The following FRMPD4 variants were observed in gnomAD, a reference collection of about 807,000 sequenced individuals.
FRMPD4 encodes FERM and PDZ domain-containing protein 4.
FRMPD4 carries 22 observed loss-of-function variants against 94.1 expected under a neutral mutation model. The observed-to-expected ratio is 0.23, with a 90% CI of 0.17 to 0.33. FRMPD4 has a LOEUF of 0.33. Ranked by LOEUF, FRMPD4 falls within the 10% of genes least tolerant of loss-of-function variation. The pLI is 1.00. For synonymous variants in FRMPD4, 631 were observed against 548.6 expected (o/e 1.15, Z -2.10); for missense variants, 1,111 against 1,339.9 (o/e 0.83, Z 2.67).
intron 3 of FRMPD4, among the ~76,000 whole-genome samples, chrX:12,113,743 G>A: frequency 8.9e-6 from 1 of 112,085 alleles, no homozygotes; most frequent in East Asian, 2.8e-4. Flanking sequence ...ATTAGGACAG[G>A]GACATCTTTG....
At chrX:12,079,302 C>T (rs1411470586) in intron 3 of FRMPD4, among the ~76,000 whole-genome samples, 2 of 109,420 alleles carry the variant, frequency 1.8e-5, no homozygotes, top group East Asian at 5.8e-4. Flanking sequence ...GCCGCCCCCT[C>T]CCCCCACACC....
intron 3 of FRMPD4, among the ~76,000 whole-genome samples, chrX:12,083,431 AG>A (rs1239494874): frequency 5.3e-5 from 6 of 112,919 alleles, no homozygotes; most frequent in African/African-American, 1.9e-4. Flanking sequence ...CCCAGGCAAA[AG>A]TTTGCTGCAG....
intron 1 of FRMPD4, among the ~76,000 whole-genome samples, chrX:12,245,925 A>G (rs1317764952): frequency 9.3e-6 from 1 of 107,804 alleles, no homozygotes; most frequent in Admixed American, 1.0e-4. Flanking sequence ...TTCCTTTTCA[A>G]TATAAATTAC....
chrX:12,497,403 G>T (rs1299127564), intron 1 of FRMPD4, among the ~76,000 whole-genome samples: 5 of 107,306 alleles, frequency 4.7e-5, no homozygotes, highest in East Asian at 2.9e-4. Context: ...TGGTTTTTTT[G>T]TTGTTGTTGT....
chrX:12,595,580 G>A (rs995923275), intron 2 of FRMPD4, among the ~76,000 whole-genome samples: 3 of 111,980 alleles, frequency 2.7e-5, no homozygotes, highest in Non-Finnish European at 5.6e-5. Flanking sequence ...AGCATGTATG[G>A]CCTCTGAAAA....
At chrX:12,178,351 G>A (rs6639156) in intron 1 of FRMPD4, among the ~76,000 whole-genome samples, 13,959 of 111,282 alleles carry the variant, frequency 0.13, 1,269 homozygotes, top group East Asian at 0.61. Flanking sequence ...CCTACCATGA[G>A]TGATTTTTTA....
At chrX:12,585,684 G>A (rs2058921080) in intron 2 of FRMPD4, among the ~76,000 whole-genome samples, 1 of 111,828 alleles carries the variant, frequency 8.9e-6, no homozygotes, top group South Asian at 3.8e-4. Flanking sequence ...TTCAGCAAAA[G>A]TCACTCTGGA....
At chrX:12,460,862 C>T (rs1180578859) in intron 1 of FRMPD4, among the ~76,000 whole-genome samples, 3 of 111,433 alleles carry the variant, frequency 2.7e-5, no homozygotes, top group Non-Finnish European at 5.7e-5. Flanking sequence ...AGATTTTATA[C>T]TCTAATTTTT....
chrX:12,182,478 T>C (rs1398725807), intron 1 of FRMPD4, among the ~76,000 whole-genome samples: 1 of 111,044 alleles, frequency 9.0e-6, no homozygotes, highest in Non-Finnish European at 1.9e-5. Flanking sequence ...TTTAATGCAC[T>C]GAGGAATGTT....
intron 3 of FRMPD4, among the ~76,000 whole-genome samples, chrX:12,047,080 G>GTT (rs759731439): frequency 3.1e-4 from 34 of 108,043 alleles, no homozygotes; most frequent in Non-Finnish European, 4.2e-4. Flanking sequence ...TTTATACATG[G>GTT]TTATATATAT....
chrX:12,664,185 A>G (rs867760327), intron 4 of FRMPD4, among the ~76,000 whole-genome samples: 9 of 112,121 alleles, frequency 8.0e-5, no homozygotes, highest in Middle Eastern at 4.7e-3. Flanking sequence ...CTATTTGAAT[A>G]CCCGTTATTT....
chrX:12,137,799 C>T (rs1315380593), upstream of FRMPD4, among the ~76,000 whole-genome samples: 1 of 112,172 alleles, frequency 8.9e-6, no homozygotes, highest in Non-Finnish European at 1.9e-5. Context: ...TTTGCTTCTC[C>T]GGCAAGGTTT....
At chrX:12,331,592 C>CAT (rs761124465) in intron 1 of FRMPD4, among the ~76,000 whole-genome samples, 10 of 74,527 alleles carry the variant, frequency 1.3e-4, no homozygotes, top group South Asian at 1.1e-3. Context: ...TGAAACGAAT[C>CAT]ATATATATAT....
At chrX:11,884,732 G>A (rs1245920738) in intron 3 of FRMPD4, among the ~76,000 whole-genome samples, 1 of 111,436 alleles carries the variant, frequency 9.0e-6, no homozygotes, top group South Asian at 3.7e-4. Flanking sequence ...GACTTAAAAA[G>A]AGCTTTATTA....
intron 3 of FRMPD4, among the ~76,000 whole-genome samples, chrX:11,932,870 C>A (rs2054129742): frequency 9.0e-6 from 1 of 110,885 alleles, no homozygotes; most frequent in South Asian, 3.9e-4. Flanking sequence ...CCTGTCGCGA[C>A]AACCCTTGCT....
intron 1 of FRMPD4, among the ~76,000 whole-genome samples, chrX:12,214,377 T>C (rs2056783606): frequency 8.9e-6 from 1 of 111,834 alleles, no homozygotes; most frequent in South Asian, 3.7e-4. Context: ...CTAGGGAGAG[T>C]TGGTACTTCA....
At chrX:12,540,128 CAA>C (rs780563059) in intron 2 of FRMPD4, among the ~76,000 whole-genome samples, 1 of 112,247 alleles carries the variant, frequency 8.9e-6, no homozygotes, top group South Asian at 3.7e-4. Context: ...CAAGCCACTG[CAA>C]AAACATGACA....
At chrX:11,861,380 G>C (rs1601810173) in intron 1 of FRMPD4, among the ~76,000 whole-genome samples, 1 of 109,195 alleles carries the variant, frequency 9.2e-6, no homozygotes, top group Non-Finnish European at 1.9e-5. Context: ...TTGAATGTTA[G>C]GATCAATAGT....
intron 3 of FRMPD4, among the ~76,000 whole-genome samples, chrX:12,090,048 G>A (rs2055141397): frequency 9.0e-6 from 1 of 111,586 alleles, no homozygotes; most frequent in Non-Finnish European, 1.9e-5. Flanking sequence ...AAGTATCTAA[G>A]CTGATACCTG....
Sources: gnomAD v4.1 joint callset for allele counts (sites outside exome capture counted in the v4.1 genomes callset) on GRCh38, gnomAD v4.1.1 for gene constraint, MANE v1.5 for transcripts, NCBI Gene and HGNC (gene_info 2026-07-23, HGNC 2026-07-21) for gene names.